The following RFX2 variants were observed in gnomAD, a reference collection of about 807,000 sequenced individuals.
RFX2 encodes regulatory factor X2, also known as DNA-binding protein RFX2.
Under a neutral mutation model 87.8 loss-of-function variants are expected in RFX2, and 20 were observed. The ratio of observed to expected loss-of-function variants is 0.23; its 90% CI spans 0.16 to 0.33. RFX2 has a LOEUF of 0.33. Ranked by LOEUF, RFX2 falls within the 10% of genes least tolerant of loss-of-function variation. The probability of loss-of-function intolerance (pLI) is 1.00; values close to 1 mark genes in which losing one functional copy is unlikely to be tolerated. For missense variants in RFX2, 767 were observed against 1,012.3 expected, an observed-to-expected ratio of 0.76 and a Z score of 3.29; for synonymous variants, 397 against 431.3, an observed-to-expected ratio of 0.92 and a Z score of 0.98.
chr19:6,070,685 A>G (rs72991061), intron 1 of RFX2, among the ~76,000 whole-genome samples: 8,287 of 152,036 alleles, frequency 0.055, 399 homozygotes, highest in South Asian at 0.21. Flanking sequence ...TATGCACATG[A>G]TTTGCCTTTT....
intron 1 of RFX2, among the ~76,000 whole-genome samples, chr19:6,104,070 C>A (rs1400336124): frequency 6.6e-6 from 1 of 152,072 alleles, no homozygotes; most frequent in East Asian, 1.9e-4. Context: ...CCCAGAGCCA[C>A]TAAGCTAATA....
At chr19:6,080,076 G>A (rs1431479817) in intron 1 of RFX2, among the ~76,000 whole-genome samples, 1 of 151,910 alleles carries the variant, frequency 6.6e-6, no homozygotes, top group Admixed American at 6.6e-5. Flanking sequence ...GTCTTGCTCT[G>A]TTGCCTAGGC....
intron 17 of RFX2, 116 bp downstream of exon 17, chr19:5,995,485 C>T: frequency 9.5e-7 from 1 of 1,057,784 alleles, no homozygotes; most frequent in South Asian, 1.4e-5. Context: ...GGCCCTCACC[C>T]CCCAAGGGGC....
chr19:6,086,629 T>A (rs1294420612), intron 1 of RFX2, among the ~76,000 whole-genome samples: 1 of 152,238 alleles, frequency 6.6e-6, no homozygotes, highest in African/African-American at 2.4e-5. Context: ...AAGAATCTAA[T>A]CTTGCCGGAA....
chr19:6,088,184 C>T (rs188926818), intron 1 of RFX2, among the ~76,000 whole-genome samples: 1 of 151,416 alleles, frequency 6.6e-6, no homozygotes, highest in East Asian at 1.9e-4. Flanking sequence ...AAGAAGAATG[C>T]CACAGAGAAG....
intron 1 of RFX2, among the ~76,000 whole-genome samples, chr19:6,105,261 A>C (rs559459641): frequency 2.0e-5 from 3 of 152,290 alleles, no homozygotes; most frequent in East Asian, 3.9e-4. Flanking sequence ...GAGACAGAGA[A>C]AGCAGGGAAG....
chr19:6,009,657 C>G (rs900684996), intron 9 of RFX2, among the ~76,000 whole-genome samples: 1 of 152,180 alleles, frequency 6.6e-6, no homozygotes, highest in African/African-American at 2.4e-5. Flanking sequence ...TCATGGCTCA[C>G]TGCAGCCTCG....
At position 6,107,979 on chromosome 19, in the gene RFX2, T is replaced by C. The variant is rs183409737; in HGVS notation, c.-9+2414A>G. Among the ~76,000 whole-genome samples the C allele has an allele frequency of 2.8e-3, 431 of 152,354 alleles. 2 individuals are homozygous for C. Among genetic ancestry groups the C allele is most frequent in the Non-Finnish European group, 3.7e-3 (251 of 68,022 alleles). On this transcript the variant is annotated intron_variant, in intron 1 of 17. Coordinates refer to ENST00000303657, the MANE Select transcript of RFX2 (RefSeq NM_000635.4). ...CAAAGATCAAGTGATTTCAAAGAAC[T>C]TGTCCTGTTATTGAGGTAATAACTG... is the stretch of plus-strand genomic sequence containing the variant.
At chr19:6,049,593 GC>G (rs2087242108) in intron 1 of RFX2, among the ~76,000 whole-genome samples, 2 of 152,170 alleles carry the variant, frequency 1.3e-5, no homozygotes, top group African/African-American at 4.8e-5. Context: ...AGGCTGGAGT[GC>G]AATGGCATGA....
chr19:6,063,771 G>T lies in RFX2; in HGVS notation c.-8-16267C>A, dbSNP rs144194036. On this transcript the variant is annotated intron_variant, in intron 1 of 17. Coordinates refer to ENST00000303657, the MANE Select transcript of RFX2 (RefSeq NM_000635.4). The surrounding 1 kb of genome is among the most constrained non-coding windows in gnomAD (Gnocchi z 4.0). ...CTGGGGTGGGGCCGTCCTGGGCACC[G>T]CAGGGTGCTGGGCAGCATCCCTGGC... Among the ~76,000 whole-genome samples, 1 of 152,214 alleles carries T rather than the reference G, an allele frequency of 6.6e-6. No individual in the cohort carries two copies. Among genetic ancestry groups the T allele is most frequent in the Admixed American group, 6.5e-5 (1 of 15,304 alleles).
Position 6,027,371 on chromosome 19 carries a change from G to T in RFX2, c.523-1134C>A, listed in dbSNP as rs1399080187. 1 of 152,252 alleles carries T rather than the reference G, an allele frequency of 6.6e-6. No individual in the cohort carries two copies. The highest frequency in any genetic ancestry group is 1.5e-5 in the Non-Finnish European group (1 of 68,084). The allele number at this position is 152,252 out of a possible 1,614,324, so 9.4% of individuals were successfully genotyped here. A position where few individuals can be genotyped will look rare whatever the true frequency, so the allele number is the denominator to read the frequency against. On this transcript the variant is annotated intron_variant, in intron 5 of 17. Transcript: ENST00000303657. The surrounding 1 kb of genome is among the most constrained non-coding windows in gnomAD (Gnocchi z 5.0). The stretch of plus-strand genomic sequence containing the variant: ...GCAGAAGGTACACTGGAGGACCAGG[G>T]GAAAGTAGGATGGTGAGACCTCTCC...
chr19:6,002,661 T>C lies in RFX2; in HGVS notation c.1650+60A>G, dbSNP rs2086507562. On this transcript the variant is annotated intron_variant, in intron 14 of 17. Transcript: ENST00000303657. This position sits in a 1 kb window ranked among gnomAD's most constrained non-coding sequence, Gnocchi z 6.7. ...GTGCCACGGGCTCCACTTGGTGGGT[T>C]TGCTGGTTTTGCTGGAGGGCGGGAA... 3.8e-6 allele frequency: 6 copies of C among 1,596,324 alleles called. No individual in the cohort carries two copies. The highest frequency in any genetic ancestry group is 2.2e-4 in the Middle Eastern group (1 of 4,486).
chr19:6,085,287 GTCTT>G lies in RFX2; in HGVS notation c.-9+25102_-9+25105del, dbSNP rs112439819. ...TCCATATTCTTATCAACATTTTTCT[GTCTT>G]TCTTCTTTTGGGTAACAGTCATCGT... On this transcript the variant is annotated intron_variant, in intron 1 of 17. Coordinates refer to ENST00000303657, the MANE Select transcript of RFX2 (RefSeq NM_000635.4). Among the ~76,000 whole-genome samples, 1,071 of 152,264 alleles carry G rather than the reference GTCTT, an allele frequency of 7.0e-3. 17 individuals carry two copies. The highest frequency in any genetic ancestry group is 0.024 in the African/African-American group (1,008 of 41,556).
At chr19:6,038,516 T>C (rs1384965005) in intron 5 of RFX2, among the ~76,000 whole-genome samples, 1 of 152,002 alleles carries the variant, frequency 6.6e-6, no homozygotes, top group East Asian at 1.9e-4. Context: ...TTTTTTTCTC[T>C]GCAAAGGACA....
At chr19:6,019,128 G>C (rs773388997) in intron 6 of RFX2, among the ~76,000 whole-genome samples, 1 of 151,962 alleles carries the variant, frequency 6.6e-6, no homozygotes, top group Non-Finnish European at 1.5e-5. Context: ...CATCCGTCCA[G>C]CATTGGGTGC....
Position 6,026,493 on chromosome 19 carries a change from G to C in RFX2, c.523-256C>G. The C allele has an allele frequency of 1.8e-6, 1 of 553,790 alleles. No homozygotes were observed. The highest frequency in any genetic ancestry group is 2.1e-5 in the South Asian group (1 of 47,584). The allele number at this position is 553,790 out of a possible 1,614,324, so 34.3% of individuals were successfully genotyped here. A position where few individuals can be genotyped will look rare whatever the true frequency, so the allele number is the denominator to read the frequency against. The stretch of plus-strand genomic sequence containing the variant: ...GTCCAACAGAAGCAGCAGAAATCAT[G>C]TTGTAAAAACTTGCTACTGAACTTT... On this transcript the variant is annotated intron_variant, in intron 5 of 17. Transcript: ENST00000303657. This position sits in a 1 kb window ranked among gnomAD's most constrained non-coding sequence, Gnocchi z 4.5.
At position 6,010,398 on chromosome 19, in the gene RFX2, C is replaced by T; in HGVS notation, c.900-147G>A. 1.6e-6 allele frequency: 1 copy of T among 624,428 alleles called. No homozygotes were observed. The highest frequency in any genetic ancestry group is 2.9e-6 in the Non-Finnish European group (1 of 343,192). The allele number at this position is 624,428 out of a possible 1,614,324, so 38.7% of individuals were successfully genotyped here. The stretch of plus-strand genomic sequence containing the variant: ...CAAATACACATAACACAAAAGCTAC[C>T]ATCGGAACCATCTTGAGTGCACAGC... On this transcript the variant is annotated intron_variant, in intron 8 of 17. Coordinates refer to ENST00000303657, the MANE Select transcript of RFX2 (RefSeq NM_000635.4). The surrounding 1 kb of genome is among the most constrained non-coding windows in gnomAD (Gnocchi z 5.0).
rs549324841 is a variant in RFX2 at position 6,021,389 on chromosome 19, G to A, written c.597+4774C>T. 1.1e-4 allele frequency among the ~76,000 whole-genome samples: 16 copies of A among 152,336 alleles called. No individual in the cohort carries two copies. Among genetic ancestry groups the A allele is most frequent in the Admixed American group, 8.5e-4 (13 of 15,308 alleles). ...TCTGGCAGAGACCCACAATAAATAA[G>A]TAAAATGAACCGAATGAGGGCTGAT... On this transcript the variant is annotated intron_variant, in intron 6 of 17. Transcript: ENST00000303657. The surrounding 1 kb of genome is among the most constrained non-coding windows in gnomAD (Gnocchi z 5.7).
Position 5,998,452 on chromosome 19 carries a change from A to G in RFX2, c.1860-1239T>C, listed in dbSNP as rs2086447217. On this transcript the variant is annotated intron_variant, in intron 15 of 17. Coordinates refer to ENST00000303657, the MANE Select transcript of RFX2 (RefSeq NM_000635.4). This position sits in a 1 kb window ranked among gnomAD's most constrained non-coding sequence, Gnocchi z 4.2. ...CTGCCCCGGCTCGAAGTATACTTTCATAAACTCTGTTACGTCTAATCGGTA... is the reference window on the plus strand; with the variant it reads ...CTGCCCCGGCTCGAAGTATACTTTCGTAAACTCTGTTACGTCTAATCGGTA... Among the ~76,000 whole-genome samples the G allele has an allele frequency of 6.6e-6, 1 of 152,254 alleles. No individual in the cohort carries two copies. The highest frequency in any genetic ancestry group is 1.5e-5 in the Non-Finnish European group (1 of 68,052).
Sources: allele counts gnomAD v4.1 joint callset (sites outside exome capture counted in the v4.1 genomes callset), GRCh38; gene constraint gnomAD v4.1.1; non-coding constraint Gnocchi (gnomAD v3.1); transcripts MANE v1.5; gene names NCBI Gene and HGNC (gene_info 2026-07-23, HGNC 2026-07-21).